INPP5A: variants seen among roughly 807,000 people sequenced by gnomAD.
INPP5A encodes the protein inositol polyphosphate-5-phosphatase A.
In INPP5A, 14 loss-of-function variants were observed where a neutral mutation model predicts 65.2. That is an observed-to-expected ratio of 0.21 (90% CI 0.14 to 0.34). The LOEUF (loss-of-function observed/expected upper bound fraction) is 0.34. Among genes scored for constraint, INPP5A ranks in the 10% least tolerant of loss-of-function variants. The pLI, the probability that INPP5A is intolerant of heterozygous loss-of-function variation, is 1.00. For synonymous variants in INPP5A, 207 were observed against 208.3 expected, an observed-to-expected ratio of 0.99 and a Z score of 0.05; for missense variants, 431 against 545.6, an observed-to-expected ratio of 0.79 and a Z score of 2.09.
chr10:132,560,883 A>G (rs940556288), intron 1 of INPP5A, among the ~76,000 whole-genome samples: 1 of 151,150 alleles, frequency 6.6e-6, no homozygotes, highest in African/African-American at 2.4e-5. Flanking sequence ...TGCTGGGATT[A>G]TAGGTGTGAA....
intron 2 of INPP5A, among the ~76,000 whole-genome samples, chr10:132,608,870 G>A (rs1259193930): frequency 2.6e-5 from 4 of 152,218 alleles, no homozygotes; most frequent in Admixed American, 1.3e-4. Flanking sequence ...TGAGGGCATG[G>A]GGGTGTGGGA....
chr10:132,635,729 G>A (rs1391720201), intron 2 of INPP5A, among the ~76,000 whole-genome samples: 1 of 151,802 alleles, frequency 6.6e-6, no homozygotes, highest in Non-Finnish European at 1.5e-5. Flanking sequence ...ACTTGGGAGG[G>A]TGAGGTGGGA....
intron 1 of INPP5A, among the ~76,000 whole-genome samples, chr10:132,584,685 CTATT>C (rs1174641909): frequency 6.6e-6 from 1 of 152,038 alleles, no homozygotes. Context: ...TTTTGCTAAT[CTATT>C]TAAGAACTAA....
At chr10:132,583,752 G>T (rs1353102772) in intron 1 of INPP5A, among the ~76,000 whole-genome samples, 1 of 152,102 alleles carries the variant, frequency 6.6e-6, no homozygotes, top group Non-Finnish European at 1.5e-5. Flanking sequence ...GTGTTTCTGG[G>T]CTAACCCCTA....
chr10:132,735,022 C>G (rs953809865), intron 9 of INPP5A, among the ~76,000 whole-genome samples: 17 of 152,184 alleles, frequency 1.1e-4, no homozygotes, highest in Non-Finnish European at 2.1e-4. Flanking sequence ...GAAGTGTTGT[C>G]TGCTCCCCAG....
chr10:132,563,987 G>A (rs879278713), intron 1 of INPP5A, among the ~76,000 whole-genome samples: 16 of 152,238 alleles, frequency 1.1e-4, no homozygotes, highest in East Asian at 1.9e-4. Flanking sequence ...CGAGAGGCCC[G>A]GCCGCGGCTG....
At chr10:132,671,378 G>T (rs1422760664) in intron 4 of INPP5A, among the ~76,000 whole-genome samples, 1 of 149,064 alleles carries the variant, frequency 6.7e-6, no homozygotes, top group African/African-American at 2.5e-5. Context: ...CCCTGCTTCG[G>T]ACTCCGCCCT....
At chr10:132,755,712 T>C (rs980357273) in intron 11 of INPP5A, among the ~76,000 whole-genome samples, 3 of 151,774 alleles carry the variant, frequency 2.0e-5, no homozygotes, top group African/African-American at 4.8e-5. Context: ...GCTTTTTAGT[T>C]AGAAAGTTTA....
chr10:132,654,932 C>G lies in INPP5A; in HGVS notation c.306+4427C>G, dbSNP rs182236544. On this transcript the variant is annotated intron_variant, in intron 4 of 15. Coordinates refer to ENST00000368594, the MANE Select transcript of INPP5A (RefSeq NM_005539.5). ...CACGCAGCGCCTGAGAGTTTCCTAC[C>G]GGAGATGATCAGAAGGCAACTTTTA... Among the ~76,000 whole-genome samples, 390 of 152,316 alleles carry G rather than the reference C, an allele frequency of 2.6e-3. 2 individuals are homozygous for G. Among genetic ancestry groups the G allele is most frequent in the African/African-American group, 8.9e-3 (371 of 41,568 alleles).
At chr10:132,577,713 G>A (rs1254276815) in intron 1 of INPP5A, among the ~76,000 whole-genome samples, 1 of 152,258 alleles carries the variant, frequency 6.6e-6, no homozygotes, top group African/African-American at 2.4e-5. Flanking sequence ...GTGGGAAAGT[G>A]CAGCCAGCAT....
intron 1 of INPP5A, among the ~76,000 whole-genome samples, chr10:132,541,349 C>G (rs761195703): frequency 6.6e-6 from 1 of 152,180 alleles, no homozygotes; most frequent in East Asian, 1.9e-4. Flanking sequence ...GGGATCCACA[C>G]GGAATCTCAC....
chr10:132,653,925 T>A (rs1328156475), intron 4 of INPP5A, among the ~76,000 whole-genome samples: 2 of 152,214 alleles, frequency 1.3e-5, no homozygotes, highest in Admixed American at 1.3e-4. Context: ...GTGTACTTGG[T>A]GCCTCAAAGT....
At chr10:132,565,257 GCAC>G (rs1369799017) in intron 1 of INPP5A, among the ~76,000 whole-genome samples, 1 of 152,176 alleles carries the variant, frequency 6.6e-6, no homozygotes, top group Non-Finnish European at 1.5e-5. Context: ...TTACAGGCAT[GCAC>G]CACCACACCT....
At chr10:132,561,722 C>CCACACACA (rs35335535) in intron 1 of INPP5A, among the ~76,000 whole-genome samples, 1,827 of 142,400 alleles carry the variant, frequency 0.013, 17 homozygotes, top group East Asian at 0.021. Flanking sequence ...TTGTCAATTT[C>CCACACACA]CACACACACA....
chr10:132,634,390 G>A (rs1474483864), intron 2 of INPP5A, among the ~76,000 whole-genome samples: 1 of 152,126 alleles, frequency 6.6e-6, no homozygotes. Context: ...GCCCCAGAGA[G>A]GCATGTCATC....
At chr10:132,775,205 GA>G (rs1847041681) in intron 12 of INPP5A, among the ~76,000 whole-genome samples, 1 of 119,456 alleles carries the variant, frequency 8.4e-6, no homozygotes, top group Admixed American at 8.3e-5. Flanking sequence ...GCAGGGAGGA[GA>G]GGGGGCAGGG....
At position 132,603,397 on chromosome 10, in the gene INPP5A, C is replaced by T. The variant is rs1046944843; in HGVS notation, c.76-4518C>T. ...TCCAGCTCCCACTACCCAGAAAGAA[C>T]GCTTGTCCACGTGGAATAAACGTCA... On this transcript the variant is annotated intron_variant, in intron 1 of 15. Coordinates refer to ENST00000368594, the MANE Select transcript of INPP5A (RefSeq NM_005539.5). This position sits in a 1 kb window ranked among gnomAD's most constrained non-coding sequence, Gnocchi z 4.2. 3.3e-5 allele frequency among the ~76,000 whole-genome samples: 5 copies of T among 152,194 alleles called. No individual in the cohort carries two copies. Among genetic ancestry groups the T allele is most frequent in the Non-Finnish European group, 7.3e-5 (5 of 68,036 alleles).
At chr10:132,719,165 G>A (rs1845809148) in intron 8 of INPP5A, among the ~76,000 whole-genome samples, 1 of 145,380 alleles carries the variant, frequency 6.9e-6, no homozygotes, top group Middle Eastern at 4.2e-3. Flanking sequence ...TGCCTTAGAC[G>A]GCTGTCTTGC....
At chr10:132,541,579 C>A (rs974335883) in intron 1 of INPP5A, among the ~76,000 whole-genome samples, 3 of 152,192 alleles carry the variant, frequency 2.0e-5, no homozygotes, top group Non-Finnish European at 4.4e-5. Context: ...GTTATAACTA[C>A]CAATATTTCT....
Sources: allele counts gnomAD v4.1 joint callset (sites outside exome capture counted in the v4.1 genomes callset), GRCh38; gene constraint gnomAD v4.1.1; non-coding constraint Gnocchi (gnomAD v3.1); transcripts MANE v1.5; gene names NCBI Gene and HGNC (gene_info 2026-07-23, HGNC 2026-07-21).